Variants in SLC25A26 observed in about 807,000 individuals in gnomAD.
SLC25A26 encodes solute carrier family 25 member 26.
In SLC25A26, 36 loss-of-function variants were observed where a neutral mutation model predicts 37.8. That is an observed-to-expected ratio of 0.95 (90% CI 0.73 to 1.26). The LOEUF is 1.26. Among genes scored for constraint, SLC25A26 ranks in the 50% most tolerant of loss-of-function variants. The probability of loss-of-function intolerance (pLI) is 0.00; values close to 1 mark genes in which losing one functional copy is unlikely to be tolerated. For missense variants in SLC25A26, 390 were observed against 331.1 expected (o/e 1.18, Z -1.38); for synonymous variants, 129 against 122.5 (o/e 1.05, Z -0.35).
chr3:66,289,756 G>A (rs1160396034), intron 5 of SLC25A26, among the ~76,000 whole-genome samples: 2 of 152,200 alleles, frequency 1.3e-5, no homozygotes, highest in Non-Finnish European at 2.9e-5. Flanking sequence ...GTAGCGTGAT[G>A]CCTCCAGCTT....
chr3:66,275,415 AAATT>A (rs992282727), intron 5 of SLC25A26, among the ~76,000 whole-genome samples: 8 of 151,950 alleles, frequency 5.3e-5, no homozygotes, highest in Non-Finnish European at 1.2e-4. Flanking sequence ...GTAAAAAAAA[AAATT>A]AATTACTGCT....
intron 5 of SLC25A26, among the ~76,000 whole-genome samples, chr3:66,319,114 G>A (rs932879704): frequency 6.6e-6 from 1 of 152,192 alleles, no homozygotes; most frequent in Non-Finnish European, 1.5e-5. Flanking sequence ...TAGTTTTGAG[G>A]TGAGAAATCA....
At chr3:66,143,817 G>A (rs1454055669) in intron 1 of SLC25A26, among the ~76,000 whole-genome samples, 1 of 152,150 alleles carries the variant, frequency 6.6e-6, no homozygotes. Context: ...GGAGGCAGAG[G>A]CTGCAGTGAG....
intron 8 of SLC25A26, 90 bp from the exon 9 acceptor site, chr3:66,370,439 G>A (rs775670928): frequency 3.2e-5 from 33 of 1,020,360 alleles, no homozygotes; most frequent in African/African-American, 4.7e-5. Flanking sequence ...TGAGGGTGAC[G>A]GGGAGCTGTG....
At chr3:66,349,378 T>G (rs2107751670) in intron 6 of SLC25A26, among the ~76,000 whole-genome samples, 1 of 152,314 alleles carries the variant, frequency 6.6e-6, no homozygotes, top group East Asian at 1.9e-4. Flanking sequence ...CAGTGCCCTT[T>G]CTGTACCCAC....
chr3:66,353,313 C>T (rs933848701), intron 6 of SLC25A26, among the ~76,000 whole-genome samples: 2 of 152,126 alleles, frequency 1.3e-5, no homozygotes, highest in Non-Finnish European at 2.9e-5. Flanking sequence ...AGTAACACTT[C>T]CCACACATCT....
At chr3:66,138,715 T>TG (rs1005625304) in intron 1 of SLC25A26, among the ~76,000 whole-genome samples, 13 of 152,064 alleles carry the variant, frequency 8.5e-5, no homozygotes, top group Non-Finnish European at 1.8e-4. Context: ...GAAGGAGGCA[T>TG]GGGAGAGAGC....
intron 6 of SLC25A26, among the ~76,000 whole-genome samples, chr3:66,347,705 C>G (rs1199699451): frequency 1.3e-5 from 2 of 152,110 alleles, no homozygotes; most frequent in African/African-American, 4.8e-5. Flanking sequence ...TTTATAATAG[C>G]AAAGACATGG....
chr3:66,238,484 G>A (rs2107054176), intron 2 of SLC25A26, among the ~76,000 whole-genome samples: 1 of 152,230 alleles, frequency 6.6e-6, no homozygotes, highest in Admixed American at 6.5e-5. Flanking sequence ...CTGGGTTCAA[G>A]CAATTCTCCT....
intron 1 of SLC25A26, among the ~76,000 whole-genome samples, chr3:66,224,997 T>C (rs570752828): frequency 1.6e-4 from 25 of 152,278 alleles, no homozygotes; most frequent in Non-Finnish European, 3.2e-4. Context: ...CTTTGTGGGA[T>C]ACAGCTCCCC....
At chr3:66,302,555 T>G (rs2075107002) in intron 5 of SLC25A26, among the ~76,000 whole-genome samples, 1 of 152,176 alleles carries the variant, frequency 6.6e-6, no homozygotes, top group South Asian at 2.1e-4. Context: ...CAGTTTAGAG[T>G]AAGCAGCGGT....
At chr3:66,354,615 C>A (rs1340832813) in intron 6 of SLC25A26, among the ~76,000 whole-genome samples, 1 of 152,100 alleles carries the variant, frequency 6.6e-6, no homozygotes, top group Non-Finnish European at 1.5e-5. Flanking sequence ...CCACCCTACC[C>A]ACAACAAATT....
At chr3:66,240,182 C>T (rs1399890862) in intron 2 of SLC25A26, among the ~76,000 whole-genome samples, 1 of 152,212 alleles carries the variant, frequency 6.6e-6, no homozygotes, top group African/African-American at 2.4e-5. Context: ...TAAGTGGATA[C>T]TCCGCAACAC....
At chr3:66,359,980 A>C (rs946330816) in intron 6 of SLC25A26, among the ~76,000 whole-genome samples, 1 of 152,214 alleles carries the variant, frequency 6.6e-6, no homozygotes, top group African/African-American at 2.4e-5. Context: ...GTTAGTATGG[A>C]TAGAGGGAAA....
chr3:66,166,266 A>G (rs545921920), intron 1 of SLC25A26, among the ~76,000 whole-genome samples: 41 of 152,298 alleles, frequency 2.7e-4, no homozygotes, highest in Non-Finnish European at 5.4e-4. Context: ...GGCTCCCTTT[A>G]TTGCTGTGTG....
intron 1 of SLC25A26, among the ~76,000 whole-genome samples, chr3:66,153,831 G>C (rs1211390920): frequency 2.6e-5 from 4 of 152,174 alleles, no homozygotes; most frequent in Admixed American, 1.3e-4. Context: ...CTTCTTCCGA[G>C]GAAAGATTTG....
chr3:66,167,234 TA>T (rs2070437202), intron 1 of SLC25A26, among the ~76,000 whole-genome samples: 2 of 152,204 alleles, frequency 1.3e-5, no homozygotes. Flanking sequence ...ATGGCCAAAG[TA>T]GGGCCACTTA....
At chr3:66,253,023 G>GGC (rs2073145813) in intron 3 of SLC25A26, among the ~76,000 whole-genome samples, 1 of 106,748 alleles carries the variant, frequency 9.4e-6, no homozygotes. Flanking sequence ...GCAAAATAAT[G>GGC]CCCCCCCCCC....
intron 1 of SLC25A26, among the ~76,000 whole-genome samples, chr3:66,196,376 A>G (rs2071044349): frequency 1.3e-5 from 2 of 152,204 alleles, no homozygotes; most frequent in Admixed American, 1.3e-4. Context: ...AGATGAATAA[A>G]TTGGGCTTAT....
Sources: allele counts gnomAD v4.1 joint callset (sites outside exome capture counted in the v4.1 genomes callset), GRCh38; gene constraint gnomAD v4.1.1; transcripts MANE v1.5; gene names NCBI Gene and HGNC (gene_info 2026-07-23, HGNC 2026-07-21).